The following PRDM9 variants were observed in gnomAD, a reference collection of about 807,000 sequenced individuals.
PRDM9 encodes PR/SET domain 9.
PRDM9 carries 47 observed loss-of-function variants against 55.6 expected under a neutral mutation model. The ratio of observed to expected loss-of-function variants is 0.85; its 90% CI spans 0.67 to 1.08. PRDM9 has a LOEUF of 1.08. Among genes scored for constraint, PRDM9 ranks in the 50% least tolerant of loss-of-function variants. The pLI is 0.00. For synonymous variants in PRDM9, 312 were observed against 375.7 expected (o/e 0.83, Z 1.96); for missense variants, 867 against 1,040.3 (o/e 0.83, Z 2.29).
In PRDM9 at chr5:23,524,350, C is replaced by G; in HGVS notation, c.967C>G (p.Arg323Gly). The change falls in exon 10 of 11, where the codon CGG (arginine) becomes GGG (glycine). Residue 323 changes from arginine to glycine, a missense_variant. This residue lies in a region of PRDM9 where 662 missense variants were observed against 711.9 expected (regional missense o/e 0.93). Transcript: ENST00000296682. ...ANWMRYVNCA[R>G]DDEEQNLVAF... ...TGACCCCAGGTATGTGAACTGTGCC[C>G]GGGATGATGAAGAGCAGAACCTGGT... 1 of 1,613,822 alleles carries G rather than the reference C, an allele frequency of 6.2e-7. No homozygotes were observed. The highest frequency in any genetic ancestry group is 8.5e-7 in the Non-Finnish European group (1 of 1,179,822).
chr5:23,525,043 T>G (rs569631939), intron 10 of PRDM9, among the ~76,000 whole-genome samples: 3 of 152,324 alleles, frequency 2.0e-5, no homozygotes, highest in African/African-American at 7.2e-5. Flanking sequence ...TACAGACATA[T>G]GTGTAATATC....
At chr5:23,517,040 C>T (rs1739225338) in intron 4 of PRDM9, among the ~76,000 whole-genome samples, 2 of 150,190 alleles carry the variant, frequency 1.3e-5, no homozygotes, top group Non-Finnish European at 3.0e-5. Flanking sequence ...GTAGTCCCAG[C>T]TACTCAGGAG....
intron 1 of PRDM9, among the ~76,000 whole-genome samples, chr5:23,507,995 C>T (rs1561015580): frequency 1.3e-5 from 2 of 152,086 alleles, no homozygotes; most frequent in Admixed American, 6.6e-5. Context: ...ATCCCTCAGC[C>T]TGAGGAACCC....
chr5:23,525,670 T>G (rs1739415932), intron 10 of PRDM9, among the ~76,000 whole-genome samples: 1 of 152,198 alleles, frequency 6.6e-6, no homozygotes, highest in Admixed American at 6.5e-5. Context: ...ATGAGGAGAC[T>G]CAAATTCAGA....
chr5:23,509,902 A>T lies in PRDM9; in HGVS notation c.194-18A>T. Reference sequence around the variant, plus strand: ...CCCAGCTCTTCCATTTTAGAACAAAATTTTTGCTTCTTTTCAGGTCTCAGA... The same window carrying T: ...CCCAGCTCTTCCATTTTAGAACAAATTTTTTGCTTCTTTTCAGGTCTCAGA... On this transcript the variant is annotated intron_variant, in intron 3 of 10. Coordinates refer to ENST00000296682, the MANE Select transcript of PRDM9 (RefSeq NM_020227.4). 1 of 1,613,836 alleles carries T rather than the reference A, an allele frequency of 6.2e-7. No individual in the cohort carries two copies. Among genetic ancestry groups the T allele is most frequent in the Non-Finnish European group, 8.5e-7 (1 of 1,179,910 alleles).
rs2126431535 is a variant in PRDM9, at chr5:23,524,506, A to G, written c.1123A>G (p.Lys375Glu). ...CATCAAGTGGGGCAGCAAGTGGAAGAAAGAGCTCATGGCAGGGAGAGGTAG... is the reference window on the plus strand; with the variant it reads ...CATCAAGTGGGGCAGCAAGTGGAAGGAAGAGCTCATGGCAGGGAGAGGTAG... ...LGIKWGSKWK[K>E]ELMAGREPKP... Residue 375 changes from lysine to glutamate, a missense_variant, in exon 10 of 11, where the codon AAA becomes GAA. Transcript: ENST00000296682. The G allele has an allele frequency of 5.0e-6, 8 of 1,613,940 alleles. No individual in the cohort carries two copies. Among genetic ancestry groups the G allele is most frequent in the Non-Finnish European group, 6.8e-6 (8 of 1,179,868 alleles).
chr5:23,522,303 G>C lies in PRDM9; in HGVS notation c.509-1G>C. The C allele has an allele frequency of 1.1e-5, 17 of 1,611,396 alleles. No homozygotes were observed. Among genetic ancestry groups the C allele is most frequent in the Non-Finnish European group, 1.4e-5 (17 of 1,177,618 alleles). ...TACCCGTCTACTCTTCTCCAACCTA[G>C]AACTCAGGAAGAAGGAGACTGAAAG... On this transcript the variant is annotated splice_acceptor_variant, in intron 6 of 10. Coordinates refer to ENST00000296682, the MANE Select transcript of PRDM9 (RefSeq NM_020227.4). LOFTEE classifies it high-confidence loss of function.
At chr5:23,517,759 C>T (rs1290945678) in intron 4 of PRDM9, 122 bp from the exon 5 acceptor site, 1 of 988,058 alleles carries the variant, frequency 1.0e-6, no homozygotes, top group Non-Finnish European at 1.6e-6. Flanking sequence ...TGCACTCCAG[C>T]CTGGGCGACA....
intron 4 of PRDM9, among the ~76,000 whole-genome samples, chr5:23,516,285 T>C (rs1459828947): frequency 6.6e-6 from 1 of 152,198 alleles, no homozygotes; most frequent in Non-Finnish European, 1.5e-5. Flanking sequence ...GGTTGGGATA[T>C]TTTTCTTAAT....
chr5:23,517,167 A>AG (rs1471031779), intron 4 of PRDM9, among the ~76,000 whole-genome samples: 1 of 150,216 alleles, frequency 6.7e-6, no homozygotes, highest in East Asian at 2.1e-4. Flanking sequence ...AAAAAAAAAA[A>AG]AAAAGGTTGG....
rs376422800 is a variant in PRDM9, at chr5:23,517,876, T to G, written c.302-5T>G. ...CCAAACCACTGATTTCTCATCACCT[T>G]TTAGTCAAACCTCCTTGGATGGCCT... is the stretch of plus-strand genomic sequence containing the variant. On this transcript the variant is annotated splice_polypyrimidine_tract_variant and splice_region_variant and intron_variant, in intron 4 of 10. Transcript: ENST00000296682. The G allele has an allele frequency of 4.4e-6, 7 of 1,588,744 alleles. No homozygotes were observed. The highest frequency in any genetic ancestry group is 6.1e-6 in the Non-Finnish European group (7 of 1,157,002).
intron 5 of PRDM9, among the ~76,000 whole-genome samples, chr5:23,518,453 C>A (rs1739262238): frequency 6.6e-6 from 1 of 152,126 alleles, no homozygotes; most frequent in African/African-American, 2.4e-5. Flanking sequence ...CTCAGTTTTT[C>A]TCTGTTATGG....
At chr5:23,521,217 T>C in intron 6 of PRDM9, 38 bp downstream of exon 6, 3 of 1,608,694 alleles carry the variant, frequency 1.9e-6, no homozygotes, top group Non-Finnish European at 2.5e-6. Flanking sequence ...AGTCCCTCTA[T>C]GTCCTCTAGA....
At chr5:23,508,110 C>T (rs1196472287) in intron 1 of PRDM9, among the ~76,000 whole-genome samples, 1 of 151,994 alleles carries the variant, frequency 6.6e-6, no homozygotes, top group East Asian at 1.9e-4. Context: ...ACCTCAGTGT[C>T]AAAGACCCTA....
intron 4 of PRDM9, among the ~76,000 whole-genome samples, chr5:23,515,285 C>CT (rs1200288829): frequency 2.0e-5 from 3 of 152,016 alleles, no homozygotes; most frequent in Non-Finnish European, 4.4e-5. Context: ...TCTTTATCTT[C>CT]TTTTTTTGAG....
intron 4 of PRDM9, among the ~76,000 whole-genome samples, chr5:23,511,719 A>G (rs1248802759): frequency 1.3e-5 from 2 of 152,240 alleles, no homozygotes; most frequent in Non-Finnish European, 2.9e-5. Flanking sequence ...AATGTATAAA[A>G]TCTAAATGTG....
rs544740138 is a variant in PRDM9 at position 23,527,910 on chromosome 5, C to T, written c.*137C>T. ...ATATTCCCCGAGAGTATAAAGAGAT[C>T]GGAAATAACTGATTAAACAAATCCG... On this transcript the variant is annotated 3_prime_UTR_variant, in exon 11 of 11. Coordinates refer to ENST00000296682, the MANE Select transcript of PRDM9 (RefSeq NM_020227.4). 1.7e-5 allele frequency: 19 copies of T among 1,114,820 alleles called. No homozygotes were observed. In the African/African-American group the frequency reaches 1.9e-4, roughly 11 times the overall value. The allele number at this position is 1,114,820 out of a possible 1,614,324, so 69.1% of individuals were successfully genotyped here. A position where few individuals can be genotyped will look rare whatever the true frequency, so the allele number is the denominator to read the frequency against.
chr5:23,523,779 A>G (rs1173266492), intron 9 of PRDM9, among the ~76,000 whole-genome samples: 1 of 152,180 alleles, frequency 6.6e-6, no homozygotes, highest in Non-Finnish European at 1.5e-5. Flanking sequence ...AGAGAATAGA[A>G]AAATGAATCA....
intron 10 of PRDM9, 21 bp downstream of exon 10, chr5:23,524,548 T>C: frequency 1.9e-6 from 3 of 1,613,216 alleles, no homozygotes; most frequent in Non-Finnish European, 2.5e-6. Flanking sequence ...CTATTACTCT[T>C]TTAAAAGGAC....
Sources: allele counts gnomAD v4.1 joint callset (sites outside exome capture counted in the v4.1 genomes callset), GRCh38; gene constraint gnomAD v4.1.1; regional missense constraint gnomAD v4.1.1; transcripts MANE v1.5; gene names NCBI Gene and HGNC (gene_info 2026-07-23, HGNC 2026-07-21).